Variants in SH3TC1 observed in about 807,000 individuals in gnomAD.
SH3TC1 encodes the protein SH3 domain and tetratricopeptide repeats 1.
SH3TC1 carries 135 observed loss-of-function variants against 117.3 expected under a neutral mutation model. The ratio of observed to expected loss-of-function variants is 1.15; its 90% CI spans 1.00 to 1.33. The LOEUF is 1.33. Among genes scored for constraint, SH3TC1 ranks in the 40% most tolerant of loss-of-function variants. SH3TC1 has a pLI of 0.00. For missense variants in SH3TC1, 2,092 were observed against 1,794.3 expected, an observed-to-expected ratio of 1.17 and a Z score of -3.00; for synonymous variants, 898 against 816.9, an observed-to-expected ratio of 1.10 and a Z score of -1.69.
chr4:8,232,675 G>C (rs1342356352), intron 13 of SH3TC1: 1 of 1,291,782 alleles, frequency 7.7e-7, no homozygotes, highest in Non-Finnish European at 1.0e-6. Flanking sequence ...GACCTGGTGG[G>C]GTAACCATGG....
chr4:8,229,819 C>T (rs1720978752), intron 12 of SH3TC1, among the ~76,000 whole-genome samples: 1 of 152,076 alleles, frequency 6.6e-6, no homozygotes, highest in Non-Finnish European at 1.5e-5. Flanking sequence ...GGTCCTGGCA[C>T]AATAGCCTGT....
At chr4:8,228,722 C>A (rs780869988) in intron 12 of SH3TC1, 78 bp downstream of exon 12, 5 of 1,222,950 alleles carry the variant, frequency 4.1e-6, no homozygotes, top group Admixed American at 3.1e-5. Context: ...GATTCAGACA[C>A]AAGCGGTGGT....
At chr4:8,231,900 C>T (rs550422099) in intron 12 of SH3TC1, 76 bp from the exon 13 acceptor site, 35 of 1,543,258 alleles carry the variant, frequency 2.3e-5, no homozygotes, top group African/African-American at 1.4e-4. Context: ...GCAAGCACAC[C>T]GCAGGGGCCT....
At chr4:8,232,490 C>G (rs1442683440) in intron 13 of SH3TC1, 2 of 1,419,590 alleles carry the variant, frequency 1.4e-6, no homozygotes, top group Admixed American at 3.7e-5. Context: ...TGACCTCTGC[C>G]TGCCCCGAGT....
intron 9 of SH3TC1, 101 bp from the exon 10 acceptor site, chr4:8,222,739 G>C: frequency 1.4e-6 from 2 of 1,448,704 alleles, no homozygotes; most frequent in Non-Finnish European, 1.9e-6. Flanking sequence ...GTAGTGCTCC[G>C]AGACTATCTG....
chr4:8,233,839 G>A (rs1480449569), intron 14 of SH3TC1, among the ~76,000 whole-genome samples: 1 of 121,368 alleles, frequency 8.2e-6, no homozygotes, highest in African/African-American at 3.3e-5. Context: ...CATCCATCAG[G>A]CATCCATCCT....
At chr4:8,216,845 G>C (rs567209707) in intron 6 of SH3TC1, 112 bp from the exon 7 acceptor site, 29 of 1,091,490 alleles carry the variant, frequency 2.7e-5, no homozygotes, top group Middle Eastern at 2.5e-4. Flanking sequence ...ACACTGGGGG[G>C]GCCGCTCCTG....
At chr4:8,204,505 C>T (rs574230420) in intron 1 of SH3TC1, among the ~76,000 whole-genome samples, 2 of 152,300 alleles carry the variant, frequency 1.3e-5, no homozygotes, top group South Asian at 2.1e-4. Flanking sequence ...GACCTTTCCC[C>T]ACCCACAATC....
At chr4:8,218,954 C>T (rs555061142) in intron 8 of SH3TC1, among the ~76,000 whole-genome samples, 16 of 152,054 alleles carry the variant, frequency 1.1e-4, no homozygotes, top group East Asian at 1.9e-4. Context: ...TCAGAGCTGC[C>T]GGTGTCTGGG....
intron 11 of SH3TC1, among the ~76,000 whole-genome samples, chr4:8,226,078 C>G (rs899873591): frequency 5.9e-5 from 9 of 152,166 alleles, no homozygotes; most frequent in African/African-American, 1.9e-4. Context: ...CAAGGCTTTA[C>G]AGATGAATAA....
At chr4:8,240,249 G>T (rs1410871910) in intron 17 of SH3TC1, among the ~76,000 whole-genome samples, 1 of 152,228 alleles carries the variant, frequency 6.6e-6, no homozygotes, top group Non-Finnish European at 1.5e-5. Flanking sequence ...TCCCAGAGAG[G>T]ACACCTGGGA....
chr4:8,219,575 T>TCACCTAAGGGGA, intron 9 of SH3TC1, 45 bp downstream of exon 9: 1 of 1,441,698 alleles, frequency 6.9e-7, no homozygotes, highest in Non-Finnish European at 9.2e-7. Context: ...CACCCCCATC[T>TCACCTAAGGGGA]CACCTAAGGG....
Position 8,218,414 on chromosome 4 carries a change from T to C in SH3TC1, c.916+67T>C, listed in dbSNP as rs1719535105. ...GTGCTAGGGAGCAGCACCAACATTT[T>C]GGAAGTTGCCCTACATCCTCCCTGA... On this transcript the variant is annotated intron_variant, in intron 8 of 17. Transcript: ENST00000245105. 11 of 1,229,418 alleles carry C rather than the reference T, an allele frequency of 8.9e-6. No individual in the cohort carries two copies. The South Asian group carries it at 1.1e-4, about 12-fold the overall frequency. The allele number at this position is 1,229,418 out of a possible 1,614,324, so 76.2% of individuals were successfully genotyped here.
Position 8,227,196 on chromosome 4 carries a change from C to G in SH3TC1, c.1502C>G (p.Ser501Ter). 1.9e-6 allele frequency: 3 copies of G among 1,569,836 alleles called. No individual in the cohort carries two copies. The South Asian group carries it at 3.5e-5, about 18-fold the overall frequency. ...DDWEDPEALS[S>*]LLLFLNAPGY... ...TGGGAGGACCCAGAGGCCCTGAGCT[C>G]ACTGCTGCTGTTCCTGAACGCCCCT... The change falls in exon 12 of 18, where the codon TCA becomes TGA. Residue 501 changes from serine to a stop codon, truncating the protein, a stop_gained. Transcript: ENST00000245105. LOFTEE classifies it high-confidence loss of function.
At chr4:8,217,883 A>T (rs1436696458) in intron 7 of SH3TC1, among the ~76,000 whole-genome samples, 1 of 152,210 alleles carries the variant, frequency 6.6e-6, no homozygotes, top group African/African-American at 2.4e-5. Context: ...GTTATATGGC[A>T]AAGTCACAGT....
In SH3TC1 at chr4:8,227,992, C is replaced by A. The variant is rs1459969920; in HGVS notation, c.2298C>A (p.Ser766=). 7 of 1,612,172 alleles carry A rather than the reference C, an allele frequency of 4.3e-6. No individual in the cohort carries two copies. The Admixed American group carries it at 1.0e-4, about 23-fold the overall frequency. ...PQPHSLPAQT[S]HYLRQALASL... ...CCCACAGCCTCCCTGCCCAAACTTC[C>A]CACTACCTCAGGCAAGCGCTGGCCT... Residue 766 remains serine, a synonymous_variant, in exon 12 of 18, where the codon TCC becomes TCA. Coordinates refer to ENST00000245105, the MANE Select transcript of SH3TC1 (RefSeq NM_018986.5).
intron 1 of SH3TC1, among the ~76,000 whole-genome samples, chr4:8,201,026 C>T (rs1717795389): frequency 6.6e-6 from 1 of 152,156 alleles, no homozygotes; most frequent in Non-Finnish European, 1.5e-5. Flanking sequence ...TTTCTGGGGG[C>T]ATGAATTTTG....
At chr4:8,214,369 G>C in intron 4 of SH3TC1, 106 bp from the exon 5 acceptor site, 1 of 1,024,660 alleles carries the variant, frequency 9.8e-7, no homozygotes, top group Non-Finnish European at 1.4e-6. Flanking sequence ...GTCGTCCCCC[G>C]CCGGGGCCAC....
chr4:8,201,150 G>C (rs1009761949), intron 1 of SH3TC1, among the ~76,000 whole-genome samples: 1 of 152,152 alleles, frequency 6.6e-6, no homozygotes, highest in African/African-American at 2.4e-5. Context: ...AGAGCCTGGC[G>C]AAAGCTTGGC....
Sources: allele counts gnomAD v4.1 joint callset (sites outside exome capture counted in the v4.1 genomes callset), GRCh38; gene constraint gnomAD v4.1.1; transcripts MANE v1.5; gene names NCBI Gene and HGNC (gene_info 2026-07-23, HGNC 2026-07-21).